Variants in ENPEP observed in about 807,000 individuals in gnomAD.
ENPEP encodes the protein AP-A.
ENPEP carries 103 observed loss-of-function variants against 114.5 expected under a neutral mutation model. The ratio of observed to expected loss-of-function variants is 0.90; its 90% confidence interval spans 0.77 to 1.06. ENPEP has a LOEUF of 1.06. Among genes scored for constraint, ENPEP ranks in the 50% least tolerant of loss-of-function variants. The pLI is 0.00. For synonymous variants in ENPEP, 420 were observed against 422.0 expected, an observed-to-expected ratio of 1.00 and a Z score of 0.06; for missense variants, 1,196 against 1,161.3, an observed-to-expected ratio of 1.03 and a Z score of -0.43.
chr4:110,525,503 C>G (rs1726163044), intron 10 of ENPEP, among the ~76,000 whole-genome samples: 1 of 152,228 alleles, frequency 6.6e-6, no homozygotes, highest in African/African-American at 2.4e-5. Flanking sequence ...CACGTGTCCT[C>G]TAATCTCCAC....
At position 110,563,428 on chromosome 4, in the gene ENPEP, C is replaced by T. The variant is rs1727737999; in HGVS notation, c.*1870C>T. On this transcript the variant is annotated 3_prime_UTR_variant, in exon 20 of 20. Transcript: ENST00000265162. ...AGAACAAATTGTTTACTTCTTTTCA[C>T]TCCACACGCGAAAGAGTTGTATGTA... The T allele has an allele frequency of 2.0e-5, 3 of 152,076 alleles. No individual in the cohort carries two copies. The allele number at this position is 152,076 out of a possible 1,614,324, so 9.4% of individuals were successfully genotyped here.
intron 19 of ENPEP, among the ~76,000 whole-genome samples, chr4:110,560,417 T>C (rs1727638610): frequency 1.3e-5 from 2 of 152,238 alleles, no homozygotes; most frequent in Non-Finnish European, 2.9e-5. Flanking sequence ...TATTTTTAAA[T>C]TGTATATATT....
chr4:110,525,371 C>T (rs74516096), intron 10 of ENPEP, among the ~76,000 whole-genome samples: 2 of 152,166 alleles, frequency 1.3e-5, no homozygotes, highest in Non-Finnish European at 2.9e-5. Context: ...ATACTGGCAG[C>T]GTAGCACATC....
chr4:110,551,214 C>A (rs552910236), intron 17 of ENPEP, among the ~76,000 whole-genome samples: 14 of 151,962 alleles, frequency 9.2e-5, no homozygotes, highest in Non-Finnish European at 1.5e-4. Flanking sequence ...ACTTTAGATG[C>A]CTTAGTAAGA....
At chr4:110,507,494 T>C (rs748865504) in intron 4 of ENPEP, among the ~76,000 whole-genome samples, 2 of 152,218 alleles carry the variant, frequency 1.3e-5, no homozygotes, top group Non-Finnish European at 2.9e-5. Flanking sequence ...CCTGTATCTG[T>C]TTCTGCCTTT....
In ENPEP at chr4:110,479,016, C is replaced by T. The variant is rs924995923; in HGVS notation, c.644+1958C>T. Among the ~76,000 whole-genome samples, 8 of 152,200 alleles carry T rather than the reference C, an allele frequency of 5.3e-5. No homozygotes were observed. In the East Asian group the frequency reaches 1.3e-3, roughly 26 times the overall value. On this transcript the variant is annotated intron_variant, in intron 1 of 19. Coordinates refer to ENST00000265162, the MANE Select transcript of ENPEP (RefSeq NM_001977.4). The stretch of plus-strand genomic sequence containing the variant: ...GTTTATTGATAACATAAATAATACA[C>T]GTTTATTGAAGGAAACTCAGAAAAC...
At chr4:110,551,092 TAA>T (rs569706672) in intron 17 of ENPEP, among the ~76,000 whole-genome samples, 47 of 132,206 alleles carry the variant, frequency 3.6e-4, no homozygotes, top group Admixed American at 4.6e-4. Flanking sequence ...CGTATCTATT[TAA>T]AAAAAAAAAA....
At chr4:110,497,970 C>A (rs1433718161) in intron 3 of ENPEP, among the ~76,000 whole-genome samples, 2 of 152,006 alleles carry the variant, frequency 1.3e-5, no homozygotes, top group Non-Finnish European at 2.9e-5. Context: ...TCAGTAATAC[C>A]AGCTATGTAC....
At chr4:110,516,132 C>A (rs1267837070) in intron 8 of ENPEP, among the ~76,000 whole-genome samples, 2 of 152,120 alleles carry the variant, frequency 1.3e-5, no homozygotes, top group Non-Finnish European at 2.9e-5. Context: ...GAGTACAAGA[C>A]TTTTCCCTTA....
intron 3 of ENPEP, among the ~76,000 whole-genome samples, chr4:110,498,959 C>T (rs911915458): frequency 4.6e-5 from 7 of 151,954 alleles, no homozygotes; most frequent in African/African-American, 1.7e-4. Context: ...TTGCTTTTTT[C>T]CTGGCCTTCT....
At chr4:110,549,688 A>G in intron 16 of ENPEP, 28 bp from the exon 17 acceptor site, 1 of 1,612,846 alleles carries the variant, frequency 6.2e-7, no homozygotes. Context: ...AGTAGTTGAA[A>G]TCTCTGAAAC....
rs151286784 is a variant in ENPEP, at chr4:110,521,909, C to A, written c.1727+1543C>A. Among the ~76,000 whole-genome samples the A allele has an allele frequency of 1.3e-3, 193 of 151,158 alleles. 2 individuals are homozygous for A. The highest frequency in any genetic ancestry group is 4.5e-3 in the African/African-American group (185 of 41,088). On this transcript the variant is annotated intron_variant, in intron 10 of 19. Transcript: ENST00000265162. ...TTTTTTTTTTTTCGAGACAGAGTCT[C>A]ACTCTGTCACCCAGGTTGGAGTGCA... is the stretch of plus-strand genomic sequence containing the variant.
intron 11 of ENPEP, among the ~76,000 whole-genome samples, chr4:110,533,931 G>A (rs1406067850): frequency 6.6e-6 from 1 of 152,176 alleles, no homozygotes; most frequent in Non-Finnish European, 1.5e-5. Context: ...ACAGAGCTTT[G>A]ATGACAAATC....
intron 10 of ENPEP, among the ~76,000 whole-genome samples, chr4:110,526,919 A>G (rs1162878561): frequency 6.6e-6 from 1 of 152,226 alleles, no homozygotes; most frequent in Admixed American, 6.5e-5. Flanking sequence ...AAGGAATTCA[A>G]TCAGGTGAAT....
In ENPEP at chr4:110,491,130, A is replaced by T. The variant is rs1724693398; in HGVS notation, c.884A>T (p.Asp295Val). 1 of 1,611,102 alleles carries T rather than the reference A, an allele frequency of 6.2e-7. No homozygotes were observed. The highest frequency in any genetic ancestry group is 8.5e-7 in the Non-Finnish European group (1 of 1,179,670). ...YLVCFAVHQF[D>V]SVKRISNSGK... is the part of the protein sequence containing the mutation. Reference sequence around the variant, plus strand: ...GTGTGCTTTGCTGTACATCAATTTGACTCTGTAAAGAGAATATCAAATAGT... The same window carrying T: ...GTGTGCTTTGCTGTACATCAATTTGTCTCTGTAAAGAGAATATCAAATAGT... Residue 295 changes from aspartate (D) to valine (V), a missense_variant, in exon 3 of 20, where the codon GAC becomes GTC. Physicochemically the swap from Asp to Val is radical, Grantham distance 152. Transcript: ENST00000265162.
intron 18 of ENPEP, among the ~76,000 whole-genome samples, chr4:110,555,197 T>G (rs1727428820): frequency 6.6e-6 from 1 of 152,052 alleles, no homozygotes; most frequent in Non-Finnish European, 1.5e-5. Context: ...TCATGAGACA[T>G]TATTTCAAAT....
chr4:110,541,680 C>T (rs1461030231), intron 11 of ENPEP, among the ~76,000 whole-genome samples: 2 of 152,112 alleles, frequency 1.3e-5, no homozygotes, highest in Non-Finnish European at 2.9e-5. Flanking sequence ...GGATTCTTAA[C>T]ATGGCATGTG....
chr4:110,510,453 C>A, intron 6 of ENPEP, 95 bp downstream of exon 6: 1 of 1,046,064 alleles, frequency 9.6e-7, no homozygotes, highest in Non-Finnish European at 1.5e-6. Context: ...AGTCAGATGG[C>A]AAGTACAGTG....
intron 7 of ENPEP, 23 bp from the exon 8 acceptor site, chr4:110,515,354 T>C (rs1202394929): frequency 6.3e-7 from 1 of 1,594,022 alleles, no homozygotes; most frequent in South Asian, 1.1e-5. Context: ...TTAGTTTCAT[T>C]TGTCTTTTTA....
Sources: allele counts gnomAD v4.1 joint callset (sites outside exome capture counted in the v4.1 genomes callset), GRCh38; gene constraint gnomAD v4.1.1; transcripts MANE v1.5; gene names NCBI Gene and HGNC (gene_info 2026-07-23, HGNC 2026-07-21).